Variants in LIMCH1 observed in about 807,000 individuals in gnomAD.
LIMCH1 encodes the protein LIM and calponin homology domains 1, also known as LIM and calponin homology domains-containing protein 1.
In LIMCH1, 113 loss-of-function variants were observed where a neutral mutation model predicts 176.5. The ratio of observed to expected loss-of-function variants is 0.64; its 90% CI spans 0.55 to 0.75. The LOEUF (loss-of-function observed/expected upper bound fraction) is 0.75. Among genes scored for constraint, LIMCH1 ranks in the 30% least tolerant of loss-of-function variants. LIMCH1 has a pLI of 0.00. For synonymous variants in LIMCH1, 619 were observed against 645.9 expected, an observed-to-expected ratio of 0.96 and a Z score of 0.63; for missense variants, 1,674 against 1,814.9, an observed-to-expected ratio of 0.92 and a Z score of 1.41.
intron 1 of LIMCH1, among the ~76,000 whole-genome samples, chr4:41,561,148 C>T (rs2082018048): frequency 6.6e-6 from 1 of 152,176 alleles, no homozygotes; most frequent in African/African-American, 2.4e-5. Context: ...TCTTTCTGAC[C>T]TTGTGTTGTT....
chr4:41,657,874 A>G (rs750418392), intron 18 of LIMCH1, among the ~76,000 whole-genome samples: 1 of 152,040 alleles, frequency 6.6e-6, no homozygotes, highest in Non-Finnish European at 1.5e-5. Flanking sequence ...GGAAGGGGAG[A>G]GATTCCAGGA....
At chr4:41,412,096 C>G (rs1030349517) in intron 1 of LIMCH1, among the ~76,000 whole-genome samples, 7 of 151,594 alleles carry the variant, frequency 4.6e-5, no homozygotes, top group African/African-American at 1.7e-4. Flanking sequence ...ACTAAGTTCC[C>G]TTTTAAAAAA....
chr4:41,600,211 C>A (rs188664955), intron 2 of LIMCH1, among the ~76,000 whole-genome samples: 1 of 152,124 alleles, frequency 6.6e-6, no homozygotes, highest in Non-Finnish European at 1.5e-5. Flanking sequence ...GAAAAAATAA[C>A]AGAATAAAAA....
chr4:41,432,267 T>C (rs1041863031), intron 1 of LIMCH1, among the ~76,000 whole-genome samples: 1 of 152,200 alleles, frequency 6.6e-6, no homozygotes, highest in Non-Finnish European at 1.5e-5. Context: ...ACAGGGTGTA[T>C]TGTTGACTTT....
intron 1 of LIMCH1, among the ~76,000 whole-genome samples, chr4:41,397,470 CA>C (rs2057919283): frequency 6.6e-6 from 1 of 151,986 alleles, no homozygotes; most frequent in South Asian, 2.1e-4. Context: ...GATTTACATG[CA>C]GTGTTTTTCA....
chr4:41,645,979 G>T, intron 15 of LIMCH1, 144 bp from the exon 16 acceptor site: 1 of 770,954 alleles, frequency 1.3e-6, no homozygotes. Context: ...ACTTACATTG[G>T]ATTGTGTGGG....
At position 41,627,019 on chromosome 4, in the gene LIMCH1, G is replaced by GGTAT. The variant is rs1554136114; in HGVS notation, c.1028+11_1028+12insATGT. 1.1e-5 allele frequency: 16 copies of GGTAT among 1,407,720 alleles called. No individual in the cohort carries two copies. Among genetic ancestry groups the GGTAT allele is most frequent in the Non-Finnish European group, 1.4e-5 (15 of 1,066,254 alleles). 87.2% of individuals were successfully genotyped at this position (1,407,720 alleles called of 1,614,324 possible). A position where few individuals can be genotyped will look rare whatever the true frequency, so the allele number is the denominator to read the frequency against. ...AGTCTAGAATATAAAAGGTGTGCAT[G>GGTAT]GTGTGTGTGTGTGTGTGTGTGTGTG... On this transcript the variant is annotated intron_variant, in intron 8 of 31. Coordinates refer to ENST00000503057, the MANE Select transcript of LIMCH1 (RefSeq NM_001330672.2).
intron 13 of LIMCH1, among the ~76,000 whole-genome samples, chr4:41,637,784 G>GT (rs1225867501): frequency 6.6e-6 from 1 of 152,162 alleles, no homozygotes; most frequent in Non-Finnish European, 1.5e-5. Context: ...AGAGAAGGGG[G>GT]TATGTGTGTG....
At chr4:41,374,332 G>C (rs2054407423) in intron 1 of LIMCH1, among the ~76,000 whole-genome samples, 1 of 152,028 alleles carries the variant, frequency 6.6e-6, no homozygotes. Context: ...TTTGCCACCT[G>C]GGAAGGAGAG....
intron 1 of LIMCH1, among the ~76,000 whole-genome samples, chr4:41,587,107 C>G (rs1196829099): frequency 6.6e-6 from 1 of 152,076 alleles, no homozygotes; most frequent in Non-Finnish European, 1.5e-5. Context: ...TGCATAGTTC[C>G]AAAAGAATAA....
intron 17 of LIMCH1, among the ~76,000 whole-genome samples, chr4:41,648,133 C>T (rs866124558): frequency 6.6e-6 from 1 of 152,240 alleles, no homozygotes; most frequent in South Asian, 2.1e-4. Flanking sequence ...CACCTAGGGC[C>T]TATGATAATG....
At chr4:41,398,305 C>T (rs1335930163) in intron 1 of LIMCH1, among the ~76,000 whole-genome samples, 1 of 151,720 alleles carries the variant, frequency 6.6e-6, no homozygotes, top group Non-Finnish European at 1.5e-5. Flanking sequence ...AGAGTTTTCT[C>T]AAGCACAGGT....
intron 1 of LIMCH1, among the ~76,000 whole-genome samples, chr4:41,579,446 T>A (rs1033115476): frequency 1.3e-5 from 2 of 152,202 alleles, no homozygotes; most frequent in African/African-American, 2.4e-5. Context: ...GGGGAATCAT[T>A]TGTGTTAGGA....
chr4:41,615,776 A>G (rs995209959), intron 5 of LIMCH1, among the ~76,000 whole-genome samples: 2 of 152,228 alleles, frequency 1.3e-5, no homozygotes, highest in African/African-American at 4.8e-5. Flanking sequence ...AGGACTCACA[A>G]TCAATTGGGG....
intron 14 of LIMCH1, among the ~76,000 whole-genome samples, chr4:41,642,520 G>A (rs138278357): frequency 8.8e-4 from 133 of 151,746 alleles, no homozygotes; most frequent in African/African-American, 2.9e-3. Context: ...CCTCTATCGA[G>A]GACTACAGTT....
intron 2 of LIMCH1, among the ~76,000 whole-genome samples, chr4:41,495,668 A>AT (rs1300805099): frequency 6.6e-6 from 1 of 152,170 alleles, no homozygotes; most frequent in Admixed American, 6.5e-5. Flanking sequence ...CCCAAGTCTC[A>AT]TTTTTTTCTA....
chr4:41,569,066 A>G (rs2083164995), intron 1 of LIMCH1, among the ~76,000 whole-genome samples: 2 of 152,214 alleles, frequency 1.3e-5, no homozygotes, highest in South Asian at 4.1e-4. Flanking sequence ...AGGGAAACTG[A>G]TAAGAATTGA....
Position 41,384,503 on chromosome 4 carries a change from C to T in LIMCH1, c.96+23567C>T, listed in dbSNP as rs550137100. Among the ~76,000 whole-genome samples, 24 of 152,214 alleles carry T rather than the reference C, an allele frequency of 1.6e-4. No individual in the cohort carries two copies. The South Asian group carries it at 4.2e-3, about 26-fold the overall frequency. The stretch of plus-strand genomic sequence containing the variant: ...GATTACAGGCGTGAGCCACCGCGCC[C>T]GGCCTACATCGTGCTTTCTTGGTCA... On this transcript the variant is annotated intron_variant, in intron 1 of 26. Transcript: ENST00000313860.
chr4:41,485,537 G>A (rs1405864502), intron 1 of LIMCH1, among the ~76,000 whole-genome samples: 2 of 152,176 alleles, frequency 1.3e-5, no homozygotes, highest in Non-Finnish European at 2.9e-5. Flanking sequence ...GCCACCGTAA[G>A]TACTTCTGAG....
Sources: allele counts gnomAD v4.1 joint callset (sites outside exome capture counted in the v4.1 genomes callset), GRCh38; gene constraint gnomAD v4.1.1; transcripts MANE v1.5; gene names NCBI Gene and HGNC (gene_info 2026-07-23, HGNC 2026-07-21).